The following STARD13 variants were observed in gnomAD, a reference collection of about 807,000 sequenced individuals.
STARD13 encodes the protein stAR-related lipid transfer protein 13.
In STARD13, 62 loss-of-function variants were observed where a neutral mutation model predicts 106.4. The ratio of observed to expected loss-of-function variants is 0.58; its 90% CI spans 0.48 to 0.72. STARD13 has a LOEUF of 0.72. Ranked by LOEUF, STARD13 falls within the 30% of genes least tolerant of loss-of-function variation. The pLI, the probability that STARD13 is intolerant of heterozygous loss-of-function variation, is 0.00. For synonymous variants in STARD13, 565 were observed against 553.0 expected, an observed-to-expected ratio of 1.02 and a Z score of -0.31; for missense variants, 1,387 against 1,424.0, an observed-to-expected ratio of 0.97 and a Z score of 0.42.
At chr13:33,560,314 G>A in the STARD13 span, among the ~76,000 whole-genome samples, 1 of 151,510 alleles carries the variant, frequency 6.6e-6, no homozygotes, top group East Asian at 1.9e-4. Flanking sequence ...TAGGTTGTAA[G>A]TTTAAACTTT....
chr13:33,442,114 C>T, the STARD13 span, among the ~76,000 whole-genome samples: 2 of 152,256 alleles, frequency 1.3e-5, no homozygotes, highest in South Asian at 2.1e-4. Context: ...GTTACTTGAA[C>T]ATAATAAAAC....
chr13:33,246,652 C>T (rs1254209810), intron 1 of STARD13, among the ~76,000 whole-genome samples: 4 of 151,962 alleles, frequency 2.6e-5, no homozygotes, highest in Non-Finnish European at 5.9e-5. Flanking sequence ...TATTCTAAAC[C>T]TTCACTCAGG....
intron 1 of STARD13, among the ~76,000 whole-genome samples, chr13:33,247,128 C>T (rs925526362): frequency 4.0e-5 from 6 of 151,868 alleles, no homozygotes; most frequent in Admixed American, 6.6e-5. Context: ...ACCCTGGAGG[C>T]GGAGGTTGCA....
the STARD13 span, among the ~76,000 whole-genome samples, chr13:33,515,445 GC>G: frequency 6.6e-6 from 1 of 152,142 alleles, no homozygotes; most frequent in African/African-American, 2.4e-5. Flanking sequence ...GATTTTAGGA[GC>G]ATCCACTTTT....
intron 1 of STARD13, among the ~76,000 whole-genome samples, chr13:33,305,088 C>T (rs1892856363): frequency 6.6e-6 from 1 of 152,290 alleles, no homozygotes; most frequent in East Asian, 1.9e-4. Flanking sequence ...GATGAGGTCT[C>T]ATTATGTTGC....
chr13:33,206,415 C>T (rs973773889), intron 1 of STARD13, among the ~76,000 whole-genome samples: 2 of 150,332 alleles, frequency 1.3e-5, no homozygotes, highest in Non-Finnish European at 3.0e-5. Flanking sequence ...AATTTTTAAT[C>T]TGTTAATACT....
chr13:33,413,365 A>G, the STARD13 span, among the ~76,000 whole-genome samples: 1 of 152,146 alleles, frequency 6.6e-6, no homozygotes, highest in Non-Finnish European at 1.5e-5. Context: ...AGGGAAAAAA[A>G]GCAAAATAAA....
chr13:33,347,371 G>T (rs1470676712), downstream of STARD13, among the ~76,000 whole-genome samples: 1 of 152,134 alleles, frequency 6.6e-6, no homozygotes, highest in Non-Finnish European at 1.5e-5. Context: ...ATGTAGCTTG[G>T]ATTACACATG....
chr13:33,187,028 C>G (rs542357479), intron 1 of STARD13, among the ~76,000 whole-genome samples: 32 of 152,352 alleles, frequency 2.1e-4, no homozygotes, highest in Non-Finnish European at 4.1e-4. Flanking sequence ...GCCCTGATCA[C>G]TCTCCCATCT....
the STARD13 span, among the ~76,000 whole-genome samples, chr13:33,360,682 TCCTTCTGTGTAGACAGAAGGAA>T: frequency 6.4e-3 from 868 of 135,778 alleles, 2 homozygotes; most frequent in East Asian, 8.1e-3. Context: ...ACAGAAGGAA[TCCTTCTGTGTAGACAGAAGGAA>T]TCCTTCTGTG....
At chr13:33,552,590 A>G in the STARD13 span, among the ~76,000 whole-genome samples, 1 of 152,236 alleles carries the variant, frequency 6.6e-6, no homozygotes, top group African/African-American at 2.4e-5. Flanking sequence ...TATAAATTTT[A>G]TATGTAAATT....
chr13:33,353,476 G>A (rs575468911), upstream of STARD13, among the ~76,000 whole-genome samples: 67 of 152,250 alleles, frequency 4.4e-4, no homozygotes, highest in Non-Finnish European at 8.4e-4. Flanking sequence ...CCTTTTCACA[G>A]ATGGCCTCAC....
the STARD13 span, among the ~76,000 whole-genome samples, chr13:33,450,364 C>A: frequency 2.0e-5 from 3 of 152,130 alleles, no homozygotes; most frequent in Non-Finnish European, 4.4e-5. Context: ...ATTAACATAT[C>A]ATGTTTAATG....
chr13:33,211,805 C>CTGTGTGTGTG (rs573541591), intron 1 of STARD13, among the ~76,000 whole-genome samples: 2 of 148,616 alleles, frequency 1.3e-5, no homozygotes, highest in African/African-American at 5.0e-5. Flanking sequence ...AGAGCTGACT[C>CTGTGTGTGTG]TGTGTGTGTG....
chr13:33,234,517 C>T (rs946732840), intron 1 of STARD13, among the ~76,000 whole-genome samples: 1 of 152,194 alleles, frequency 6.6e-6, no homozygotes, highest in African/African-American at 2.4e-5. Flanking sequence ...TGGTGCTACT[C>T]AATGTTCATC....
chr13:33,580,125 G>A, the STARD13 span, among the ~76,000 whole-genome samples: 1 of 152,054 alleles, frequency 6.6e-6, no homozygotes, highest in African/African-American at 2.4e-5. Context: ...ATTTATAGCA[G>A]ATTTATTCAG....
chr13:33,599,626 T>C, the STARD13 span, among the ~76,000 whole-genome samples: 5 of 152,196 alleles, frequency 3.3e-5, no homozygotes, highest in South Asian at 8.3e-4. Flanking sequence ...GAAGGCCTTT[T>C]TAAGGAGAAA....
At chr13:33,158,993 A>C (rs1469587213) in intron 3 of STARD13, among the ~76,000 whole-genome samples, 1 of 152,162 alleles carries the variant, frequency 6.6e-6, no homozygotes, top group Non-Finnish European at 1.5e-5. Flanking sequence ...ACCTCCAGCC[A>C]AATGTTTTTC....
chr13:33,392,058 CAGAG>C, the STARD13 span, among the ~76,000 whole-genome samples: 1 of 152,094 alleles, frequency 6.6e-6, no homozygotes, highest in Admixed American at 6.5e-5. Context: ...GGTGGTGAAA[CAGAG>C]AGAGAAATTC....
Sources: gnomAD v4.1 joint callset for allele counts (sites outside exome capture counted in the v4.1 genomes callset) on GRCh38, gnomAD v4.1.1 for gene constraint, MANE v1.5 for transcripts, NCBI Gene and HGNC (gene_info 2026-07-23, HGNC 2026-07-21) for gene names.